Variants in CAST observed in about 807,000 individuals in gnomAD.
The protein encoded by CAST is MIR583 host.
A neutral mutation model predicts 119.6 loss-of-function variants in CAST; 76 were observed. That is an observed-to-expected ratio of 0.64 (90% CI 0.53 to 0.77). CAST has a LOEUF of 0.77. CAST is among the 30% of genes least tolerant of loss of function. The pLI is 0.00. For synonymous variants in CAST, 319 were observed against 331.6 expected, an observed-to-expected ratio of 0.96 and a Z score of 0.41; for missense variants, 953 against 946.5, an observed-to-expected ratio of 1.01 and a Z score of -0.09.
intron 18 of CAST, 85 bp from the exon 19 acceptor site, chr5:96,748,432 CA>C (rs1764242065): frequency 3.3e-6 from 2 of 603,638 alleles, no homozygotes; most frequent in East Asian, 5.8e-5. Flanking sequence ...ATGTGTTAAT[CA>C]GGAAAAAAAT....
chr5:96,643,486 C>T (rs968124398), intron 1 of CAST, among the ~76,000 whole-genome samples: 5 of 152,042 alleles, frequency 3.3e-5, no homozygotes, highest in Admixed American at 2.6e-4. Flanking sequence ...GCCTGTAATC[C>T]CAGCACTTTA....
the CAST span, among the ~76,000 whole-genome samples, chr5:96,006,739 C>G: frequency 6.6e-6 from 1 of 152,152 alleles, no homozygotes; most frequent in Admixed American, 6.5e-5. Flanking sequence ...GAAGCAAAAC[C>G]ACGGCGAATG....
the CAST span, among the ~76,000 whole-genome samples, chr5:96,447,720 A>G: frequency 6.6e-6 from 1 of 152,134 alleles, no homozygotes; most frequent in African/African-American, 2.4e-5. Flanking sequence ...AGTAAAGTAT[A>G]TGTTACCCCT....
the CAST span, among the ~76,000 whole-genome samples, chr5:96,269,541 AC>A: frequency 2.0e-5 from 3 of 152,184 alleles, no homozygotes; most frequent in African/African-American, 7.2e-5. Flanking sequence ...AACATGAAAG[AC>A]TCAAATAAAT....
At chr5:96,139,151 A>G in the CAST span, among the ~76,000 whole-genome samples, 1 of 151,910 alleles carries the variant, frequency 6.6e-6, no homozygotes, top group Non-Finnish European at 1.5e-5. Context: ...TTCCCATTCT[A>G]TAATTTCTCT....
intron 2 of CAST, among the ~76,000 whole-genome samples, chr5:96,691,047 AT>A (rs1258355374): frequency 6.6e-6 from 1 of 152,212 alleles, no homozygotes; most frequent in Admixed American, 6.5e-5. Context: ...ATACAGCTTT[AT>A]TTATATATAG....
At chr5:96,039,327 C>G in the CAST span, among the ~76,000 whole-genome samples, 4 of 151,910 alleles carry the variant, frequency 2.6e-5, no homozygotes. Flanking sequence ...GTAGGTTGTC[C>G]GTTCATGCTG....
the CAST span, among the ~76,000 whole-genome samples, chr5:96,366,787 C>G: frequency 6.6e-6 from 1 of 152,202 alleles, no homozygotes; most frequent in South Asian, 2.1e-4. Flanking sequence ...CCTCCTTTAG[C>G]TCAGAGAAGT....
rs1482470800 is a variant in CAST, at chr5:96,616,725, G to GCTCT, written c.61-58811_61-58810insTCTC. 2.7e-3 allele frequency among the ~76,000 whole-genome samples: 374 copies of GCTCT among 138,346 alleles called. 1 individual carries two copies. Among genetic ancestry groups the GCTCT allele is most frequent in the African/African-American group, 8.9e-3 (311 of 35,122 alleles). The allele number at this position is 138,346 out of a possible 152,430, so 90.8% of individuals were successfully genotyped here. A position where few individuals can be genotyped will look rare whatever the true frequency, so the allele number is the denominator to read the frequency against. On this transcript the variant is annotated intron_variant, in intron 1 of 11. Transcript: ENST00000505143. ...GTGGCCTCTTAGACACCAAGCGCTC[G>GCTCT]CTCGCTCTCTCTCTCTCTCTATATA...
At chr5:96,393,206 T>C in the CAST span, 1 of 1,614,154 alleles carries the variant, frequency 6.2e-7, no homozygotes, top group South Asian at 1.1e-5. Context: ...TGGGGACTTC[T>C]TTGGTGATTG....
At chr5:96,021,570 C>T in the CAST span, among the ~76,000 whole-genome samples, 92 of 152,190 alleles carry the variant, frequency 6.0e-4, 1 homozygote, top group East Asian at 0.017. Flanking sequence ...CTCAGCCTCC[C>T]AAGTAGCTGG....
chr5:96,041,674 T>C, the CAST span, among the ~76,000 whole-genome samples: 3 of 152,086 alleles, frequency 2.0e-5, no homozygotes, highest in Non-Finnish European at 4.4e-5. Context: ...GATCTCTCTG[T>C]ACTATGGCCT....
the CAST span, among the ~76,000 whole-genome samples, chr5:96,311,523 A>T: frequency 1.8e-4 from 27 of 152,146 alleles, no homozygotes; most frequent in African/African-American, 6.0e-4. Context: ...ACTGTATTGC[A>T]ATCTATATCT....
intron 1 of CAST, among the ~76,000 whole-genome samples, chr5:96,638,033 G>A (rs528293966): frequency 1.3e-5 from 2 of 152,314 alleles, no homozygotes; most frequent in South Asian, 4.1e-4. Flanking sequence ...CTCTGACTAA[G>A]TGAAGTTTTG....
the CAST span, among the ~76,000 whole-genome samples, chr5:96,130,947 C>A: frequency 2.0e-5 from 3 of 152,048 alleles, no homozygotes; most frequent in Non-Finnish European, 4.4e-5. Flanking sequence ...ATTGCTATGA[C>A]CTTTTACAAA....
chr5:96,366,018 G>A, the CAST span, among the ~76,000 whole-genome samples: 2 of 152,164 alleles, frequency 1.3e-5, no homozygotes, highest in African/African-American at 4.8e-5. Flanking sequence ...TTTAGGGCAG[G>A]CCTGTTGGTG....
At chr5:96,405,475 A>T in the CAST span, among the ~76,000 whole-genome samples, 490 of 152,304 alleles carry the variant, frequency 3.2e-3, 1 homozygote, top group African/African-American at 0.011. Context: ...ATGAGGCTAG[A>T]TCATTCCTAG....
At chr5:96,265,201 C>G in the CAST span, among the ~76,000 whole-genome samples, 1 of 152,044 alleles carries the variant, frequency 6.6e-6, no homozygotes, top group East Asian at 1.9e-4. Context: ...AGATTTTAGG[C>G]ACTCTGGTAT....
chr5:96,615,580 G>T (rs1747436352), intron 1 of CAST, among the ~76,000 whole-genome samples: 1 of 152,222 alleles, frequency 6.6e-6, no homozygotes, highest in African/African-American at 2.4e-5. Flanking sequence ...AATTCAACCT[G>T]CTCCACCACG....
Sources: allele counts gnomAD v4.1 joint callset (sites outside exome capture counted in the v4.1 genomes callset), GRCh38; gene constraint gnomAD v4.1.1; transcripts MANE v1.5; gene names NCBI Gene and HGNC (gene_info 2026-07-23, HGNC 2026-07-21).